SYNPR: variants seen among roughly 807,000 people sequenced by gnomAD.
The protein encoded by SYNPR is synaptoporin.
Under a neutral mutation model 32.9 loss-of-function variants are expected in SYNPR, and 23 were observed. That is an observed-to-expected ratio of 0.70 (90% CI 0.50 to 0.99). SYNPR has a LOEUF of 0.99. Ranked by LOEUF, SYNPR falls within the 50% of genes least tolerant of loss-of-function variation. The pLI is 0.00. For synonymous variants in SYNPR, 146 were observed against 135.9 expected, an observed-to-expected ratio of 1.07 and a Z score of -0.52; for missense variants, 318 against 349.3, an observed-to-expected ratio of 0.91 and a Z score of 0.71.
intron 3 of SYNPR, among the ~76,000 whole-genome samples, chr3:63,530,730 T>C (rs78419551): frequency 0.015 from 2,313 of 152,222 alleles, 47 homozygotes; most frequent in African/African-American, 0.049. Flanking sequence ...AGGACCATAC[T>C]TTGAGAAGCA....
intron 2 of SYNPR, among the ~76,000 whole-genome samples, chr3:63,317,044 A>T (rs2087051038): frequency 6.6e-6 from 1 of 151,890 alleles, no homozygotes; most frequent in Non-Finnish European, 1.5e-5. Context: ...CATGGTTCTG[A>T]AGGTTCCTTT....
At chr3:63,329,629 C>T (rs185538322) in intron 2 of SYNPR, among the ~76,000 whole-genome samples, 1 of 152,298 alleles carries the variant, frequency 6.6e-6, no homozygotes, top group East Asian at 1.9e-4. Flanking sequence ...ACTATTTTTA[C>T]ACCTGCATCC....
At chr3:63,553,608 C>A (rs1239497350) in intron 3 of SYNPR, among the ~76,000 whole-genome samples, 1 of 152,086 alleles carries the variant, frequency 6.6e-6, no homozygotes, top group African/African-American at 2.4e-5. Context: ...GAATAGCCAC[C>A]CTGACTGGTG....
intron 2 of SYNPR, among the ~76,000 whole-genome samples, chr3:63,257,778 T>G (rs530185894): frequency 6.6e-6 from 1 of 152,162 alleles, no homozygotes; most frequent in Non-Finnish European, 1.5e-5. Flanking sequence ...ACTGGTAAAT[T>G]GGATAAAGAG....
At chr3:63,486,371 C>T (rs71298654) in intron 3 of SYNPR, among the ~76,000 whole-genome samples, 76 of 152,346 alleles carry the variant, frequency 5.0e-4, no homozygotes, top group Non-Finnish European at 9.1e-4. Flanking sequence ...TCTCACCCCT[C>T]ATGTGGCATA....
At chr3:63,271,151 C>T (rs902480634) in intron 3 of SYNPR, among the ~76,000 whole-genome samples, 12 of 151,968 alleles carry the variant, frequency 7.9e-5, no homozygotes, top group Admixed American at 4.6e-4. Context: ...GTACTATTTG[C>T]CAAGCAGGTG....
chr3:63,551,856 C>T (rs1702506270), intron 3 of SYNPR, among the ~76,000 whole-genome samples: 1 of 150,734 alleles, frequency 6.6e-6, no homozygotes, highest in East Asian at 1.9e-4. Flanking sequence ...CCCACTCTAG[C>T]CCCAGCATCT....
intron 1 of SYNPR, among the ~76,000 whole-genome samples, chr3:63,234,008 A>T (rs2086183294): frequency 1.3e-5 from 2 of 152,218 alleles, no homozygotes; most frequent in African/African-American, 4.8e-5. Flanking sequence ...CACATACATT[A>T]GGTGTGTGGT....
chr3:63,245,680 T>TGAGA lies in SYNPR; in HGVS notation n.67-6791_67-6788dup, dbSNP rs71992869. Among the ~76,000 whole-genome samples, 814 of 123,022 alleles carry TGAGA rather than the reference T, an allele frequency of 6.6e-3. 1 individual carries two copies. The highest frequency in any genetic ancestry group is 0.011 in the Non-Finnish European group (616 of 58,326). The allele number at this position is 123,022 out of a possible 152,430, so 80.7% of individuals were successfully genotyped here. On this transcript the variant is annotated intron_variant and non_coding_transcript_variant, in intron 1 of 4. Transcript: ENST00000478456. The stretch of plus-strand genomic sequence containing the variant: ...AGTTACCTAAGAAAGCTTTGTCAAG[T>TGAGA]GAGAGAGAGAGAGAGAGAGAGAGAG...
chr3:63,348,717 T>C (rs929912319), intron 2 of SYNPR, among the ~76,000 whole-genome samples: 4 of 152,332 alleles, frequency 2.6e-5, no homozygotes, highest in Admixed American at 6.5e-5. Flanking sequence ...GGGTGAGAGA[T>C]AGATATCCAA....
At chr3:63,429,501 A>G (rs577836646) in intron 2 of SYNPR, among the ~76,000 whole-genome samples, 4 of 152,322 alleles carry the variant, frequency 2.6e-5, no homozygotes, top group African/African-American at 2.4e-5. Context: ...CCTAGGGAAC[A>G]ATTCTTCCTT....
intron 2 of SYNPR, among the ~76,000 whole-genome samples, chr3:63,286,221 A>G (rs796344580): frequency 2.4e-4 from 36 of 152,318 alleles, no homozygotes; most frequent in African/African-American, 8.4e-4. Flanking sequence ...AATTCCAGCA[A>G]GGCCAGTATT....
chr3:63,529,583 T>C (rs1035399555), intron 3 of SYNPR, among the ~76,000 whole-genome samples: 1 of 152,168 alleles, frequency 6.6e-6, no homozygotes, highest in African/African-American at 2.4e-5. Flanking sequence ...AGTTAAGAGA[T>C]ATGCAAATTC....
chr3:63,283,810 CTTTT>C (rs142282438), intron 2 of SYNPR, among the ~76,000 whole-genome samples: 37 of 87,150 alleles, frequency 4.2e-4, no homozygotes, highest in African/African-American at 1.2e-3. Context: ...AGATAATTAC[CTTTT>C]TTTTTTTTTT....
intron 3 of SYNPR, among the ~76,000 whole-genome samples, chr3:63,518,155 A>G (rs1701835050): frequency 6.6e-6 from 1 of 152,154 alleles, no homozygotes; most frequent in African/African-American, 2.4e-5. Flanking sequence ...AATCACCTAC[A>G]TCCTTTCACA....
Position 63,524,846 on chromosome 3 carries a change from T to TGC in SYNPR, c.210-31696_210-31695insCG, listed in dbSNP as rs879396414. On this transcript the variant is annotated intron_variant, in intron 3 of 5. Coordinates refer to ENST00000478300, the MANE Select transcript of SYNPR (RefSeq NM_001130003.2). The stretch of plus-strand genomic sequence containing the variant: ...AGAAGTGTGTGTGTGTGTGTGTGTG[T>TGC]GTGTGCATGTGTGTGTGTGTGTGTG... Among the ~76,000 whole-genome samples the TGC allele has an allele frequency of 8.9e-3, 901 of 101,060 alleles. 6 individuals carry two copies. The highest frequency in any genetic ancestry group is 0.048 in the Middle Eastern group (8 of 168). 66.3% of individuals were successfully genotyped at this position (101,060 alleles called of 152,430 possible).
intron 2 of SYNPR, among the ~76,000 whole-genome samples, chr3:63,407,457 A>T (rs1349846437): frequency 6.6e-6 from 1 of 152,154 alleles, no homozygotes; most frequent in African/African-American, 2.4e-5. Context: ...CCTGTTTCAC[A>T]TTTCTCTCTT....
intron 2 of SYNPR, among the ~76,000 whole-genome samples, chr3:63,366,095 T>G (rs879364460): frequency 6.6e-6 from 1 of 152,210 alleles, no homozygotes; most frequent in Non-Finnish European, 1.5e-5. Flanking sequence ...GACTGAATTA[T>G]GCTGAATCCA....
intron 3 of SYNPR, among the ~76,000 whole-genome samples, chr3:63,527,650 G>C (rs1359906894): frequency 2.6e-5 from 4 of 152,152 alleles, no homozygotes; most frequent in Admixed American, 2.6e-4. Context: ...TCTATTTCAA[G>C]AGAGAAAACT....
Sources: gnomAD v4.1 joint callset for allele counts (sites outside exome capture counted in the v4.1 genomes callset) on GRCh38, gnomAD v4.1.1 for gene constraint, MANE v1.5 for transcripts, NCBI Gene and HGNC (gene_info 2026-07-23, HGNC 2026-07-21) for gene names.